KDM4C: variants seen among roughly 807,000 people sequenced by gnomAD.
KDM4C encodes lysine demethylase 4C.
In KDM4C, 81 loss-of-function variants were observed where a neutral mutation model predicts 129.3. That is an observed-to-expected ratio of 0.63 (90% CI 0.52 to 0.75). The LOEUF (loss-of-function observed/expected upper bound fraction) is 0.75, where lower values mean the gene tolerates loss of function less well. KDM4C is among the 30% of genes least tolerant of loss of function. KDM4C has a pLI of 0.00. For synonymous variants in KDM4C, 573 were observed against 456.1 expected (o/e 1.26, Z -3.26); for missense variants, 1,457 against 1,304.0 (o/e 1.12, Z -1.81).
At chr9:7,154,152 G>A (rs1193168964) in intron 19 of KDM4C, among the ~76,000 whole-genome samples, 1 of 152,242 alleles carries the variant, frequency 6.6e-6, no homozygotes, top group Non-Finnish European at 1.5e-5. Context: ...AGACTGGGGA[G>A]AAGGGGGTTC....
intron 5 of KDM4C, among the ~76,000 whole-genome samples, chr9:6,863,131 A>G (rs1841267629): frequency 6.6e-6 from 1 of 152,184 alleles, no homozygotes; most frequent in Admixed American, 6.5e-5. Flanking sequence ...AAAAGAATAG[A>G]AACAAAATAA....
intron 15 of KDM4C, among the ~76,000 whole-genome samples, chr9:7,046,231 A>G (rs1829369755): frequency 6.6e-6 from 1 of 151,986 alleles, no homozygotes; most frequent in Admixed American, 6.6e-5. Flanking sequence ...AGAGTGCTGA[A>G]AGGTTAAGCT....
chr9:6,993,973 C>G lies in KDM4C; in HGVS notation c.1786+3449C>G, dbSNP rs570254744. Among the ~76,000 whole-genome samples the G allele has an allele frequency of 3.6e-3, 497 of 136,260 alleles. 4 individuals are homozygous for G. Among genetic ancestry groups the G allele is most frequent in the African/African-American group, 0.012 (477 of 38,758 alleles). 89.4% of individuals were successfully genotyped at this position (136,260 alleles called of 152,430 possible). ...TTCTGTTCAGACCATCATTCCCCTGCCTTTTTAGCACCAGGCACTGGTTTT... is the reference window on the plus strand; with the variant it reads ...TTCTGTTCAGACCATCATTCCCCTGGCTTTTTAGCACCAGGCACTGGTTTT... On this transcript the variant is annotated intron_variant, in intron 12 of 21. Transcript: ENST00000381309.
At chr9:6,885,485 G>A (rs1314400195) in intron 6 of KDM4C, among the ~76,000 whole-genome samples, 1 of 152,102 alleles carries the variant, frequency 6.6e-6, no homozygotes, top group East Asian at 1.9e-4. Context: ...GGGTTTTAGG[G>A]CTCTGTTGGG....
rs182863336 is a variant in KDM4C, at chr9:6,888,078, A to T, written c.783+15A>T. The T allele has an allele frequency of 4.7e-6, 6 of 1,287,944 alleles. No individual in the cohort carries two copies. The highest frequency in any genetic ancestry group is 1.3e-5 in the South Asian group (1 of 75,372). The allele number at this position is 1,287,944 out of a possible 1,614,324, so 79.8% of individuals were successfully genotyped here. On this transcript the variant is annotated intron_variant, in intron 7 of 21. Coordinates refer to ENST00000381309, the MANE Select transcript of KDM4C (RefSeq NM_015061.6). Reference sequence around the variant, plus strand: ...CCTTTGACAAGGTATGTTAGTATTCATCTTACACAAATTAATTTTGTTTGT... The same window carrying T: ...CCTTTGACAAGGTATGTTAGTATTCTTCTTACACAAATTAATTTTGTTTGT...
intron 1 of KDM4C, among the ~76,000 whole-genome samples, chr9:6,744,043 C>T (rs777039413): frequency 5.3e-5 from 8 of 149,834 alleles, no homozygotes; most frequent in Non-Finnish European, 8.9e-5. Flanking sequence ...ACACCATATC[C>T]GGCCCCTCTC....
intron 5 of KDM4C, among the ~76,000 whole-genome samples, chr9:6,856,537 T>C (rs1178417532): frequency 1.5e-5 from 2 of 129,904 alleles, no homozygotes; most frequent in African/African-American, 6.2e-5. Context: ...TCTCTCTGTG[T>C]GCGTGTGTGT....
intron 5 of KDM4C, among the ~76,000 whole-genome samples, chr9:6,864,292 T>TC (rs1027800922): frequency 3.3e-5 from 5 of 152,180 alleles, no homozygotes; most frequent in South Asian, 2.1e-4. Flanking sequence ...TGGATGACAA[T>TC]CCCCATTTTT....
At chr9:6,994,478 C>T (rs1006465235) in intron 12 of KDM4C, among the ~76,000 whole-genome samples, 1 of 152,182 alleles carries the variant, frequency 6.6e-6, no homozygotes, top group African/African-American at 2.4e-5. Flanking sequence ...CACCACTGAT[C>T]ACCTTACACT....
chr9:6,856,809 C>T (rs62535686), intron 5 of KDM4C, among the ~76,000 whole-genome samples: 1 of 144,900 alleles, frequency 6.9e-6, no homozygotes, highest in African/African-American at 2.6e-5. Context: ...GGACTGCGGA[C>T]TGCAGTGGCG....
In KDM4C at chr9:7,174,613, G is replaced by T. The variant is rs758119089; in HGVS notation, c.3055G>T (p.Glu1019Ter). ...TTATGGAGCAGACATTATCCAAGGG[G>T]AGAGAAAGAGACAAAGAGTGCTGAG... ...TFYGADIIQGERKRQRVLSSR... is the reference protein window; with the variant it reads ...TFYGADIIQG Residue 1019 changes from glutamate to a stop codon, truncating the protein, a stop_gained, in exon 22 of 22, where the codon GAG becomes TAG. Coordinates refer to ENST00000381309, the MANE Select transcript of KDM4C (RefSeq NM_015061.6). LOFTEE classifies it high-confidence loss of function. The T allele has an allele frequency of 3.7e-6, 6 of 1,614,072 alleles. No individual in the cohort carries two copies. Among genetic ancestry groups the T allele is most frequent in the Admixed American group, 3.3e-5 (2 of 60,010 alleles).
At chr9:6,792,386 CG>C (rs1826843710) in intron 1 of KDM4C, among the ~76,000 whole-genome samples, 1 of 151,828 alleles carries the variant, frequency 6.6e-6, no homozygotes, top group South Asian at 2.1e-4. Context: ...TTTTTTGAGA[CG>C]GAGTCTTACT....
chr9:7,029,652 G>A (rs980389017), intron 15 of KDM4C, among the ~76,000 whole-genome samples: 2 of 152,060 alleles, frequency 1.3e-5, no homozygotes, highest in East Asian at 1.9e-4. Flanking sequence ...TAATTTGGGG[G>A]ACAGTATAGC....
intron 11 of KDM4C, among the ~76,000 whole-genome samples, chr9:6,988,472 A>T (rs764880360): frequency 1.3e-5 from 2 of 151,038 alleles, no homozygotes; most frequent in Non-Finnish European, 2.9e-5. Context: ...GCCTGTAAGA[A>T]CAACTGCATG....
Position 6,964,781 on chromosome 9 carries a change from CA to C in KDM4C, c.922-16124del, listed in dbSNP as rs369795659. Reference sequence around the variant, plus strand: ...TGGGGGACAGAGTGAGACTCCGTCTCAAAAAAAAAAAAAAAAAAAACCACAG... The same window carrying C: ...TGGGGGACAGAGTGAGACTCCGTCTCAAAAAAAAAAAAAAAAAAACCACAG... On this transcript the variant is annotated intron_variant, in intron 8 of 21. Coordinates refer to ENST00000381309, the MANE Select transcript of KDM4C (RefSeq NM_015061.6). 6.6e-3 allele frequency among the ~76,000 whole-genome samples: 355 copies of C among 53,844 alleles called. 1 individual carries two copies. The Middle Eastern group carries it at 0.085, about 13-fold the overall frequency. The allele number at this position is 53,844 out of a possible 152,430, so 35.3% of individuals were successfully genotyped here. A position where few individuals can be genotyped will look rare whatever the true frequency, so the allele number is the denominator to read the frequency against.
intron 8 of KDM4C, among the ~76,000 whole-genome samples, chr9:6,915,447 T>TGA (rs1820132149): frequency 6.6e-6 from 1 of 152,360 alleles, no homozygotes; most frequent in East Asian, 1.9e-4. Flanking sequence ...CCTGCCACTT[T>TGA]GAGGTTCGGG....
intron 8 of KDM4C, among the ~76,000 whole-genome samples, chr9:6,904,725 A>G (rs546882862): frequency 5.9e-5 from 9 of 152,340 alleles, no homozygotes; most frequent in Non-Finnish European, 1.2e-4. Flanking sequence ...GTATATTTGA[A>G]GGAATGTATT....
At chr9:6,818,371 C>T (rs910560086) in intron 4 of KDM4C, among the ~76,000 whole-genome samples, 2 of 152,204 alleles carry the variant, frequency 1.3e-5, no homozygotes, top group African/African-American at 2.4e-5. Flanking sequence ...TAATAAATTT[C>T]TTATGAGCTA....
chr9:7,057,449 G>T (rs1247000096), intron 17 of KDM4C, among the ~76,000 whole-genome samples: 1 of 152,226 alleles, frequency 6.6e-6, no homozygotes, highest in Non-Finnish European at 1.5e-5. Flanking sequence ...CAGGCTCTGG[G>T]TTAAGACTGC....
Sources: allele counts gnomAD v4.1 joint callset (sites outside exome capture counted in the v4.1 genomes callset), GRCh38; gene constraint gnomAD v4.1.1; transcripts MANE v1.5; gene names NCBI Gene and HGNC (gene_info 2026-07-23, HGNC 2026-07-21).